MRPL48: variants seen among roughly 807,000 people sequenced by gnomAD.
The protein encoded by MRPL48 is mitochondrial ribosomal protein L48.
A neutral mutation model predicts 32.9 loss-of-function variants in MRPL48; 16 were observed. The observed-to-expected ratio is 0.49, with a 90% CI of 0.33 to 0.74. The LOEUF (loss-of-function observed/expected upper bound fraction) is 0.74, where lower values mean the gene tolerates loss of function less well. MRPL48 is among the 30% of genes least tolerant of loss of function. The pLI is 0.02. For synonymous variants in MRPL48, 94 were observed against 89.2 expected (o/e 1.05, Z -0.31); for missense variants, 206 against 245.3 (o/e 0.84, Z 1.07).
chr11:73,829,077 C>CATT (rs1204209516), intron 4 of MRPL48, among the ~76,000 whole-genome samples: 3 of 152,302 alleles, frequency 2.0e-5, no homozygotes, highest in Non-Finnish European at 4.4e-5. Flanking sequence ...TAAAAGGAAG[C>CATT]TTAATGCCGT....
intron 3 of MRPL48, among the ~76,000 whole-genome samples, chr11:73,812,267 TGAA>T (rs1379466008): frequency 1.3e-5 from 2 of 152,192 alleles, no homozygotes; most frequent in African/African-American, 4.8e-5. Context: ...TATGTATATA[TGAA>T]GATTTATATT....
chr11:73,811,000 A>C (rs1947556455), intron 3 of MRPL48, among the ~76,000 whole-genome samples: 1 of 152,212 alleles, frequency 6.6e-6, no homozygotes, highest in Non-Finnish European at 1.5e-5. Flanking sequence ...AAGGTGGAGA[A>C]GAGACCCAGG....
intron 1 of MRPL48, among the ~76,000 whole-genome samples, chr11:73,788,471 T>TA (rs1947087444): frequency 1.4e-5 from 2 of 140,292 alleles, no homozygotes; most frequent in Non-Finnish European, 3.1e-5. Flanking sequence ...TTCTTTTCTT[T>TA]CTTTTTTTTT....
At chr11:73,820,383 C>A (rs1490653854) in intron 3 of MRPL48, among the ~76,000 whole-genome samples, 1 of 152,142 alleles carries the variant, frequency 6.6e-6, no homozygotes, top group Admixed American at 6.6e-5. Context: ...TACCATCACA[C>A]CCGGCTAATT....
At chr11:73,793,442 T>C (rs762172072) in intron 1 of MRPL48, among the ~76,000 whole-genome samples, 5 of 152,214 alleles carry the variant, frequency 3.3e-5, no homozygotes, top group Non-Finnish European at 7.3e-5. Flanking sequence ...AAATGAAAGA[T>C]TCAGGGTGCT....
chr11:73,838,785 T>C (rs1198901353), intron 4 of MRPL48, among the ~76,000 whole-genome samples: 14 of 152,200 alleles, frequency 9.2e-5, no homozygotes, highest in Admixed American at 9.2e-4. Flanking sequence ...AGAACTTTAG[T>C]AATGCAGAGG....
intron 6 of MRPL48, 145 bp from the exon 7 acceptor site, chr11:73,863,027 C>T (rs1948610326): frequency 1.4e-6 from 1 of 705,052 alleles, no homozygotes. Context: ...TAGAGGCCAG[C>T]TCAGAAACCA....
intron 4 of MRPL48, among the ~76,000 whole-genome samples, chr11:73,835,333 A>G (rs1220698515): frequency 6.7e-6 from 1 of 149,826 alleles, no homozygotes; most frequent in Non-Finnish European, 1.5e-5. Context: ...GTAGAGATGG[A>G]GTTTCACCAT....
At chr11:73,819,417 A>G (rs1284193408) in intron 3 of MRPL48, among the ~76,000 whole-genome samples, 1 of 152,242 alleles carries the variant, frequency 6.6e-6, no homozygotes, top group Admixed American at 6.5e-5. Flanking sequence ...TACTACTTAA[A>G]GATGGTGATT....
At chr11:73,832,631 T>C in intron 4 of MRPL48, 1 of 158,732 alleles carries the variant, frequency 6.3e-6, no homozygotes. Context: ...CCAGATCAGC[T>C]GAATCAACCC....
intron 5 of MRPL48, among the ~76,000 whole-genome samples, chr11:73,853,914 T>C (rs1193049679): frequency 2.6e-5 from 4 of 151,940 alleles, no homozygotes; most frequent in Admixed American, 2.6e-4. Flanking sequence ...ATGGTCTTGA[T>C]CTCCTGACCT....
In MRPL48 at chr11:73,853,772, G is replaced by A. The variant is rs560886719; in HGVS notation, c.372-6135G>A. 7.6e-5 allele frequency among the ~76,000 whole-genome samples: 10 copies of A among 131,840 alleles called. No homozygotes were observed. In the South Asian group the frequency reaches 2.5e-3, roughly 33 times the overall value. The allele number at this position is 131,840 out of a possible 152,430, so 86.5% of individuals were successfully genotyped here. A position where few individuals can be genotyped will look rare whatever the true frequency, so the allele number is the denominator to read the frequency against. On this transcript the variant is annotated intron_variant, in intron 5 of 7. Transcript: ENST00000310614. ...GTGGCGCGATCTCGGCTCACTGCAA[G>A]CTCCGCCTCCCGGGTTGACGCCATT...
In MRPL48 at chr11:73,853,680, C is replaced by CTT. The variant is rs58486952; in HGVS notation, c.372-6200_372-6199dup. Among the ~76,000 whole-genome samples the CTT allele has an allele frequency of 7.0e-4, 55 of 79,116 alleles. 8 individuals are homozygous for CTT. The highest frequency in any genetic ancestry group is 1.0e-3 in the Non-Finnish European group (43 of 41,832). The allele number at this position is 79,116 out of a possible 152,430, so 51.9% of individuals were successfully genotyped here. A position where few individuals can be genotyped will look rare whatever the true frequency, so the allele number is the denominator to read the frequency against. ...AGCTGGCGGGAATTAGAGATAGCTT[C>CTT]TTTTTTTTTTTTTTTTTTTTTTTTT... is the stretch of plus-strand genomic sequence containing the variant. On this transcript the variant is annotated intron_variant, in intron 5 of 7. Coordinates refer to ENST00000310614, the MANE Select transcript of MRPL48 (RefSeq NM_016055.6).
chr11:73,803,600 A>T (rs1947395267), intron 1 of MRPL48, among the ~76,000 whole-genome samples: 1 of 151,968 alleles, frequency 6.6e-6, no homozygotes, highest in Non-Finnish European at 1.5e-5. Flanking sequence ...GCTCCTCTTG[A>T]CTGATAGTTT....
intron 4 of MRPL48, among the ~76,000 whole-genome samples, chr11:73,828,755 C>CTTT (rs564348569): frequency 7.1e-6 from 1 of 139,870 alleles, no homozygotes; most frequent in Non-Finnish European, 1.6e-5. Context: ...CATCCCCCTT[C>CTTT]TTTTTTTTTT....
chr11:73,864,299 A>T lies in MRPL48; in HGVS notation c.568A>T (p.Thr190Ser). The T allele has an allele frequency of 2.5e-6, 4 of 1,613,646 alleles. No homozygotes were observed. Among genetic ancestry groups the T allele is most frequent in the Non-Finnish European group, 3.4e-6 (4 of 1,179,768 alleles). The stretch of plus-strand genomic sequence containing the variant: ...ATTTTCTTTTTCTTCTCCTTAGCAC[A>T]CTGAAGAAGACTTCAAGGGACGATT... The part of the protein sequence containing the change: ...EGVRLSVKEH[T>S]EEDFKGRFKA... Residue 190 changes from threonine to serine, a missense_variant, in exon 8 of 8, where the codon ACT (threonine) becomes TCT (serine). By Grantham distance (58) the Thr-to-Ser change is moderately conservative. Transcript: ENST00000310614.
intron 4 of MRPL48, among the ~76,000 whole-genome samples, chr11:73,830,011 C>T (rs1211246997): frequency 6.6e-6 from 1 of 152,136 alleles, no homozygotes; most frequent in Non-Finnish European, 1.5e-5. Context: ...ATCCGTCTGC[C>T]TCAGCCTCCC....
At chr11:73,843,470 CAA>C (rs1330630886) in intron 4 of MRPL48, 15 of 151,962 alleles carry the variant, frequency 9.9e-5, no homozygotes, top group African/African-American at 3.1e-4. Context: ...GTGATCCATC[CAA>C]CTCAGCCTCC....
chr11:73,863,059 G>T (rs533560228), intron 6 of MRPL48, 113 bp from the exon 7 acceptor site: 2 of 899,174 alleles, frequency 2.2e-6, no homozygotes, highest in Admixed American at 2.3e-5. Context: ...AATCTTCCAC[G>T]CTTGGGCTCT....
Sources: allele counts gnomAD v4.1 joint callset (sites outside exome capture counted in the v4.1 genomes callset), GRCh38; gene constraint gnomAD v4.1.1; transcripts MANE v1.5; gene names NCBI Gene and HGNC (gene_info 2026-07-23, HGNC 2026-07-21).